The following JPH1 variants were observed in gnomAD, a reference collection of about 807,000 sequenced individuals.
The protein encoded by JPH1 is junctophilin-1.
A neutral mutation model predicts 53.6 loss-of-function variants in JPH1; 12 were observed. That is an observed-to-expected ratio of 0.22 (90% CI 0.14 to 0.36). The LOEUF is 0.36. JPH1 is among the 10% of genes least tolerant of loss of function. JPH1 has a pLI of 1.00. For synonymous variants in JPH1, 375 were observed against 363.8 expected (o/e 1.03, Z -0.35); for missense variants, 808 against 905.5 (o/e 0.89, Z 1.38).
At position 74,237,274 on chromosome 8, in the gene JPH1, G is replaced by A. The variant is rs770676189; in HGVS notation, c.1935C>T (p.Val645=). The change falls in exon 5 of 6, where the codon GTC becomes GTT. Residue 645 remains valine (V), a synonymous_variant. Transcript: ENST00000342232. ...TGGCCAACCCGATATTCAACAGCAT[G>A]ACAAGGACAATCATGATTGAATTAG... The part of the protein sequence containing the change: ...SGPNSIMIVL[V]MLLNIGLAIL... 3.7e-6 allele frequency: 6 copies of A among 1,613,462 alleles called. No individual in the cohort carries two copies. The South Asian group carries it at 6.6e-5, about 18-fold the overall frequency.
intron 3 of JPH1, among the ~76,000 whole-genome samples, chr8:74,258,651 T>TA (rs910195994): frequency 1.3e-5 from 2 of 151,950 alleles, no homozygotes; most frequent in Non-Finnish European, 2.9e-5. Flanking sequence ...TCAGATACGT[T>TA]AAAAAAAAGT....
chr8:74,268,490 G>C (rs1806603255), intron 2 of JPH1, among the ~76,000 whole-genome samples: 1 of 152,124 alleles, frequency 6.6e-6, no homozygotes, highest in Non-Finnish European at 1.5e-5. Flanking sequence ...CTTTGGACCA[G>C]AGGAAATAGA....
chr8:74,313,659 C>CA lies in JPH1; in HGVS notation c.1139+1201dup, dbSNP rs762959000. Among the ~76,000 whole-genome samples the CA allele has an allele frequency of 1.2e-3, 173 of 149,820 alleles. 1 individual carries two copies. Among genetic ancestry groups the CA allele is most frequent in the Non-Finnish European group, 2.0e-3 (133 of 67,390 alleles). On this transcript the variant is annotated intron_variant, in intron 2 of 5. Transcript: ENST00000342232. ...CATTGGAAATTTCATATGGCTCCAT[C>CA]AAAAAAAAGGGAGGTTCATTAATTC...
chr8:74,315,686 A>C lies in JPH1; in HGVS notation c.380-66T>G, dbSNP rs980636533. On this transcript the variant is annotated intron_variant, in intron 1 of 5. Coordinates refer to ENST00000342232, the MANE Select transcript of JPH1 (RefSeq NM_020647.4). This position sits in a 1 kb window ranked among gnomAD's most constrained non-coding sequence, Gnocchi z 6.3. ...AGCTGCACCGTCACCTGCACCATCC[A>C]GCGCACACTGGCGCAGGCCTGCCCA... 6.9e-7 allele frequency: 1 copy of C among 1,458,590 alleles called. No individual in the cohort carries two copies. The highest frequency in any genetic ancestry group is 1.4e-5 in the African/African-American group (1 of 70,724). The allele number at this position is 1,458,590 out of a possible 1,614,324, so 90.4% of individuals were successfully genotyped here.
rs1046187908 is a variant in JPH1, at chr8:74,235,190, G to C, written c.*1861C>G. On this transcript the variant is annotated 3_prime_UTR_variant, in exon 6 of 6. Transcript: ENST00000342232. ...GGAGCTATAGGGTTTGGGAGGGGCAGTGAGAGTACTGAGAGTGACGCAGGA... is the reference window on the plus strand; with the variant it reads ...GGAGCTATAGGGTTTGGGAGGGGCACTGAGAGTACTGAGAGTGACGCAGGA... 6.6e-6 allele frequency: 1 copy of C among 152,600 alleles called. No individual in the cohort carries two copies. The highest frequency in any genetic ancestry group is 2.4e-5 in the African/African-American group (1 of 41,456). The allele number at this position is 152,600 out of a possible 1,614,324, so 9.5% of individuals were successfully genotyped here.
intron 2 of JPH1, 34 bp from the exon 3 acceptor site, chr8:74,259,537 G>A (rs751315830): frequency 2.4e-5 from 34 of 1,411,708 alleles, no homozygotes; most frequent in Non-Finnish European, 3.3e-5. Flanking sequence ...GTCAGCATAG[G>A]TGACCCCTTG....
At chr8:74,300,577 G>C (rs1807650602) in intron 2 of JPH1, among the ~76,000 whole-genome samples, 1 of 152,184 alleles carries the variant, frequency 6.6e-6, no homozygotes, top group East Asian at 1.9e-4. Flanking sequence ...TTTGGTTAGA[G>C]GGTCCTAACT....
At chr8:74,237,796 G>T (rs1002955525) in intron 4 of JPH1, among the ~76,000 whole-genome samples, 3 of 152,132 alleles carry the variant, frequency 2.0e-5, no homozygotes, top group African/African-American at 7.2e-5. Flanking sequence ...CTTTTTCCCT[G>T]GTCCTCTGTT....
chr8:74,240,237 G>A (rs1208539026), intron 4 of JPH1, among the ~76,000 whole-genome samples: 3 of 152,268 alleles, frequency 2.0e-5, no homozygotes, highest in Non-Finnish European at 4.4e-5. Flanking sequence ...CTCCCAAAGT[G>A]TTGGGATTAC....
At chr8:74,257,639 G>A (rs759558379) in intron 3 of JPH1, among the ~76,000 whole-genome samples, 5 of 152,136 alleles carry the variant, frequency 3.3e-5, no homozygotes, top group Non-Finnish European at 7.4e-5. Context: ...GCCAATATAC[G>A]TAGGTACCAG....
intron 2 of JPH1, among the ~76,000 whole-genome samples, chr8:74,294,909 G>A (rs1245189273): frequency 6.6e-6 from 1 of 152,202 alleles, no homozygotes; most frequent in Non-Finnish European, 1.5e-5. Flanking sequence ...AGCCTGAGAC[G>A]TGGAACAGTT....
rs183736590 is a variant in JPH1, at chr8:74,289,149, C to T, written c.1139+25712G>A. ...TTGTAAACCAGGCAACCTTCAGTAA[C>T]GGGAAAGGACGTTTTCTATAGAAAC... On this transcript the variant is annotated intron_variant, in intron 2 of 5. Coordinates refer to ENST00000342232, the MANE Select transcript of JPH1 (RefSeq NM_020647.4). Among the ~76,000 whole-genome samples, 186 of 152,264 alleles carry T rather than the reference C, an allele frequency of 1.2e-3. 1 individual carries two copies. The highest frequency in any genetic ancestry group is 4.1e-3 in the African/African-American group (170 of 41,556).
intron 2 of JPH1, among the ~76,000 whole-genome samples, chr8:74,284,100 G>A (rs1006250638): frequency 5.3e-5 from 8 of 152,110 alleles, no homozygotes; most frequent in Admixed American, 1.3e-4. Context: ...GGTGGTTGGG[G>A]AAAAAGCCCT....
intron 2 of JPH1, among the ~76,000 whole-genome samples, chr8:74,280,214 G>C (rs1365262611): frequency 1.3e-5 from 2 of 152,138 alleles, no homozygotes; most frequent in African/African-American, 4.8e-5. Context: ...CATAACACTC[G>C]AGGATTAATA....
At chr8:74,255,812 C>T (rs571472311) in intron 3 of JPH1, among the ~76,000 whole-genome samples, 2 of 152,124 alleles carry the variant, frequency 1.3e-5, no homozygotes, top group African/African-American at 4.8e-5. Flanking sequence ...CACTGGCCAT[C>T]AGAGAAATGC....
Position 74,320,800 on chromosome 8 carries a change from G to T in JPH1, c.379+109C>A. On this transcript the variant is annotated intron_variant, in intron 1 of 5. Transcript: ENST00000342232. This position sits in a 1 kb window ranked among gnomAD's most constrained non-coding sequence, Gnocchi z 4.4. ...GTGGGAGGCGCCCCCAGGTGTTTTGGCGGGTTTCCGGACACGTGCGCCCGG... is the reference window on the plus strand; with the variant it reads ...GTGGGAGGCGCCCCCAGGTGTTTTGTCGGGTTTCCGGACACGTGCGCCCGG... 1.5e-6 allele frequency: 2 copies of T among 1,303,276 alleles called. No homozygotes were observed. The highest frequency in any genetic ancestry group is 2.0e-6 in the Non-Finnish European group (2 of 1,002,764). The allele number at this position is 1,303,276 out of a possible 1,614,324, so 80.7% of individuals were successfully genotyped here.
chr8:74,313,850 A>G (rs1205497159), intron 2 of JPH1, among the ~76,000 whole-genome samples: 1 of 152,240 alleles, frequency 6.6e-6, no homozygotes, highest in African/African-American at 2.4e-5. Context: ...ACTCACTTAA[A>G]TAAGACTAAA....
rs1202191980 is a variant in JPH1, at chr8:74,244,542, T to C, written c.1892A>G (p.Lys631Arg). The change falls in exon 4 of 6, where the codon AAA (lysine) becomes AGA (arginine). Residue 631 changes from lysine to arginine, a missense_variant. Around this residue, in one of 2 missense-constraint regions of JPH1, gnomAD observed 756 missense variants for 811.9 expected, o/e 0.93. Coordinates refer to ENST00000342232, the MANE Select transcript of JPH1 (RefSeq NM_020647.4). ...ASNDSCPALE[K>R]EANSGPNSIM... ...TGCAGTACTTACTGAATTGGCTTCT[T>C]TTTCCAAAGCAGGGCATGAATCGTT... 2 of 1,603,626 alleles carry C rather than the reference T, an allele frequency of 1.2e-6. No homozygotes were observed. The highest frequency in any genetic ancestry group is 1.7e-6 in the Non-Finnish European group (2 of 1,176,434).
At chr8:74,260,977 T>C (rs2131395419) in intron 2 of JPH1, among the ~76,000 whole-genome samples, 1 of 152,318 alleles carries the variant, frequency 6.6e-6, no homozygotes, top group East Asian at 1.9e-4. Context: ...GACCACTTTA[T>C]GAATAAAGGA....
Sources: gnomAD v4.1 joint callset for allele counts (sites outside exome capture counted in the v4.1 genomes callset) on GRCh38, gnomAD v4.1.1 for gene constraint, gnomAD v4.1.1 regional missense constraint, Gnocchi (gnomAD v3.1) non-coding constraint, MANE v1.5 for transcripts, NCBI Gene and HGNC (gene_info 2026-07-23, HGNC 2026-07-21) for gene names.